ZNF155: variants seen among roughly 807,000 people sequenced by gnomAD.
ZNF155 encodes KRAB A domain.
In ZNF155, 15 loss-of-function variants were observed where a neutral mutation model predicts 11.9. The observed-to-expected ratio is 1.26, with a 90% CI of 0.84 to 1.94. ZNF155 has a LOEUF of 1.94. Among genes scored for constraint, ZNF155 ranks in the 30% most tolerant of loss-of-function variants. The pLI is 0.00. For synonymous variants in ZNF155, 212 were observed against 219.9 expected (o/e 0.96, Z 0.32); for missense variants, 602 against 639.1 (o/e 0.94, Z 0.63).
chr19:43,995,939 C>T (rs1262085837), intron 4 of ZNF155, among the ~76,000 whole-genome samples, 154 bp from the exon 5 acceptor site: 1 of 152,136 alleles, frequency 6.6e-6, no homozygotes, highest in Non-Finnish European at 1.5e-5. Context: ...TCTGAATTGG[C>T]CTCATGCAAA....
intron 2 of ZNF155, among the ~76,000 whole-genome samples, 172 bp from the exon 3 acceptor site, chr19:43,991,376 A>G (rs563951907): frequency 1.3e-5 from 2 of 152,338 alleles, no homozygotes; most frequent in Admixed American, 6.5e-5. Context: ...CAGGAAAATC[A>G]GTATGTGTCA....
chr19:43,997,350 A>G lies in ZNF155; in HGVS notation c.1493A>G (p.Tyr498Cys). The stretch of plus-strand genomic sequence containing the variant: ...GGAAAGAGGCTTGTACACAGGACAT[A>G]CCGTAAAGACCAGCCGAGAGACTAT... ...DCGKRLVHRT[Y>C]RKDQPRDYSG... is the part of the protein sequence containing the mutation. The change falls in exon 5 of 5, where the codon TAC becomes TGC. Residue 498 changes from tyrosine to cysteine, a missense_variant. Transcript: ENST00000270014. 6.2e-7 allele frequency: 1 copy of G among 1,613,892 alleles called. No homozygotes were observed. Among genetic ancestry groups the G allele is most frequent in the Non-Finnish European group, 8.5e-7 (1 of 1,179,798 alleles).
chr19:43,997,722 A>G lies in ZNF155; in HGVS notation c.*248A>G. On this transcript the variant is annotated 3_prime_UTR_variant, in exon 5 of 5. Transcript: ENST00000270014. ...GCAGCCTGGGGAAGACAATCAAGCT[A>G]CAGGCACTGATAAGGGAACTAGCAC... 1 of 419,266 alleles carries G rather than the reference A, an allele frequency of 2.4e-6. No individual in the cohort carries two copies. Among genetic ancestry groups the G allele is most frequent in the Non-Finnish European group, 4.2e-6 (1 of 236,018 alleles). 26.0% of individuals were successfully genotyped at this position (419,266 alleles called of 1,614,324 possible).
At chr19:43,987,832 A>G (rs748450506) in intron 1 of ZNF155, among the ~76,000 whole-genome samples, 2 of 152,134 alleles carry the variant, frequency 1.3e-5, no homozygotes, top group Non-Finnish European at 2.9e-5. Flanking sequence ...ATTTTTCCCA[A>G]TTCTATTGAG....
At chr19:43,986,626 T>C (rs1189829994) in intron 1 of ZNF155, among the ~76,000 whole-genome samples, 1 of 152,032 alleles carries the variant, frequency 6.6e-6, no homozygotes, top group Non-Finnish European at 1.5e-5. Flanking sequence ...TTTTTTTGTA[T>C]ATTTAGTAGA....
chr19:43,991,511 G>C (rs373681318), intron 2 of ZNF155, 37 bp from the exon 3 acceptor site: 2 of 1,613,672 alleles, frequency 1.2e-6, no homozygotes, highest in African/African-American at 2.7e-5. Context: ...GTAGTCCTTG[G>C]TCATAAGATT....
chr19:43,992,985 C>T (rs115529580), intron 4 of ZNF155, among the ~76,000 whole-genome samples: 199 of 152,348 alleles, frequency 1.3e-3, no homozygotes, highest in African/African-American at 4.5e-3. Context: ...CCATAGGGAG[C>T]ATATTTATAT....
At chr19:43,989,290 CTCT>C (rs1568487805) in intron 2 of ZNF155, among the ~76,000 whole-genome samples, 1 of 152,208 alleles carries the variant, frequency 6.6e-6, no homozygotes, top group Non-Finnish European at 1.5e-5. Context: ...ATTTACTGGT[CTCT>C]TCTTATTCAT....
chr19:43,997,101 T>G lies in ZNF155; in HGVS notation c.1244T>G (p.Leu415Arg), dbSNP rs780026589. The G allele has an allele frequency of 1.2e-6, 2 of 1,613,486 alleles. No individual in the cohort carries two copies. The highest frequency in any genetic ancestry group is 2.2e-5 in the South Asian group (2 of 91,062). The change falls in exon 5 of 5, where the codon CTG becomes CGG. Residue 415 changes from leucine to arginine, a missense_variant. Physicochemically the swap from Leu to Arg is moderately radical, Grantham distance 102 (BLOSUM62 -2). Transcript: ENST00000270014. ...AAGGGATTTTATACAAATTCACAAC[T>G]GTCTTCCCATCAGAGATCCCACAGT... ...CGKGFYTNSQ[L>R]SSHQRSHSGE...
chr19:43,994,583 T>C (rs1975768016), intron 4 of ZNF155, among the ~76,000 whole-genome samples: 1 of 152,190 alleles, frequency 6.6e-6, no homozygotes. Context: ...CTGACTGATT[T>C]TTACAGGGAA....
In ZNF155 at chr19:43,991,849, A is replaced by C. The variant is rs574505884; in HGVS notation, c.150A>C (p.Gln50His). The change falls in exon 4 of 5, where the codon CAA becomes CAC. Residue 50 changes from glutamine to histidine, a missense_variant. Coordinates refer to ENST00000270014, the MANE Select transcript of ZNF155 (RefSeq NM_198089.3). ...GACCTTACCTATTCACAGGGCATCA[A>C]CCGTTCCACCAAGATACTTGCCACT... ...NFRNLLSVGH[Q>H]PFHQDTCHFL... The C allele has an allele frequency of 6.2e-7, 1 of 1,613,784 alleles. No homozygotes were observed. Among genetic ancestry groups the C allele is most frequent in the Admixed American group, 1.7e-5 (1 of 59,994 alleles).
rs1397780349 is a variant in ZNF155, at chr19:43,988,446, TC to T, written c.-85-12del. On this transcript the variant is annotated splice_polypyrimidine_tract_variant and intron_variant, in intron 1 of 4. Transcript: ENST00000270014. ...TGGGCTAATTCACAACACACATCTC[TC>T]TTTTTCTGCAGACTGTGGCACGTTT... 22 of 1,348,752 alleles carry T rather than the reference TC, an allele frequency of 1.6e-5. No homozygotes were observed. The highest frequency in any genetic ancestry group is 2.0e-5 in the Non-Finnish European group (20 of 977,422). 83.5% of individuals were successfully genotyped at this position (1,348,752 alleles called of 1,614,324 possible).
At chr19:43,990,074 A>G (rs1230987276) in intron 2 of ZNF155, 1 of 1,521,410 alleles carries the variant, frequency 6.6e-7, no homozygotes, top group East Asian at 2.5e-5. Context: ...CATGATAAAG[A>G]GAAGCAAAGT....
intron 1 of ZNF155, among the ~76,000 whole-genome samples, chr19:43,987,726 G>C (rs1287385479): frequency 6.6e-6 from 1 of 152,202 alleles, no homozygotes; most frequent in African/African-American, 2.4e-5. Flanking sequence ...TGAACTGCCA[G>C]TTCTCCCCCA....
At position 43,996,393 on chromosome 19, in the gene ZNF155, A is replaced by T. The variant is rs372403183; in HGVS notation, c.536A>T (p.Asp179Val). Residue 179 changes from aspartate (D) to valine (V), a missense_variant, in exon 5 of 5, where the codon GAT (aspartate) becomes GTT (valine). By Grantham distance (152) the Asp-to-Val change is radical. Transcript: ENST00000270014. ...LYSEEKSYTCDECGKSICYIS... is the reference protein window; with the variant it reads ...LYSEEKSYTCVECGKSICYIS... ...TCAGAAGAGAAGTCTTATACATGTG[A>T]TGAGTGTGGAAAAAGCATCTGTTAC... The T allele has an allele frequency of 6.2e-7, 1 of 1,614,052 alleles. No homozygotes were observed. The highest frequency in any genetic ancestry group is 1.3e-5 in the African/African-American group (1 of 74,920).
rs780529007 is a variant in ZNF155 at position 43,997,110 on chromosome 19, A to G, written c.1253A>G (p.His418Arg). The G allele has an allele frequency of 6.2e-7, 1 of 1,613,596 alleles. No homozygotes were observed. Among genetic ancestry groups the G allele is most frequent in the Non-Finnish European group, 8.5e-7 (1 of 1,179,506 alleles). The change falls in exon 5 of 5, where the codon CAT becomes CGT. Residue 418 changes from histidine (H) to arginine (R), a missense_variant. Coordinates refer to ENST00000270014, the MANE Select transcript of ZNF155 (RefSeq NM_198089.3). ...GFYTNSQLSS[H>R]QRSHSGEKPY... Reference sequence around the variant, plus strand: ...TATACAAATTCACAACTGTCTTCCCATCAGAGATCCCACAGTGGTGAAAAG... The same window carrying G: ...TATACAAATTCACAACTGTCTTCCCGTCAGAGATCCCACAGTGGTGAAAAG...
intron 1 of ZNF155, among the ~76,000 whole-genome samples, chr19:43,984,853 C>T (rs1269702925): frequency 6.6e-6 from 1 of 152,072 alleles, no homozygotes; most frequent in Non-Finnish European, 1.5e-5. Flanking sequence ...GCGTGGGTTG[C>T]ATCCACGTTT....
intron 1 of ZNF155, among the ~76,000 whole-genome samples, chr19:43,986,569 C>G (rs1218401894): frequency 6.6e-6 from 1 of 151,854 alleles, no homozygotes; most frequent in Admixed American, 6.6e-5. Context: ...CCTGCCCCAG[C>G]CTCCTGAGTA....
At chr19:43,985,186 G>C (rs1417946105) in intron 1 of ZNF155, among the ~76,000 whole-genome samples, 3 of 151,786 alleles carry the variant, frequency 2.0e-5, no homozygotes, top group African/African-American at 7.3e-5. Context: ...CTCAGCTCCG[G>C]AGTAGCTGGG....
Sources: allele counts gnomAD v4.1 joint callset (sites outside exome capture counted in the v4.1 genomes callset), GRCh38; gene constraint gnomAD v4.1.1; transcripts MANE v1.5; gene names NCBI Gene and HGNC (gene_info 2026-07-23, HGNC 2026-07-21).